Variants in LGSN observed in about 807,000 individuals in gnomAD.
The protein encoded by LGSN is lengsin.
In LGSN, 21 loss-of-function variants were observed where a neutral mutation model predicts 19.5. The ratio of observed to expected loss-of-function variants is 1.07; its 90% CI spans 0.76 to 1.55. LGSN has a LOEUF of 1.55. LGSN is among the 40% of genes most tolerant of loss of function. The pLI is 0.00. For synonymous variants in LGSN, 257 were observed against 215.6 expected (o/e 1.19, Z -1.68); for missense variants, 673 against 608.5 (o/e 1.11, Z -1.12).
At chr6:63,510,962 A>C in the LGSN span, among the ~76,000 whole-genome samples, 2 of 152,130 alleles carry the variant, frequency 1.3e-5, no homozygotes, top group Non-Finnish European at 2.9e-5. Flanking sequence ...GGCATGAGCC[A>C]CCGCTCCCGG....
rs1767156410 is a variant in LGSN, at chr6:63,278,216, A to G, written c.*1805T>C. On this transcript the variant is annotated 3_prime_UTR_variant, in exon 4 of 4. Coordinates refer to ENST00000370657, the MANE Select transcript of LGSN (RefSeq NM_016571.3). ...AATGAAGGCTCAGAAATATCATTTCATTTTTCATTGCTTTCAAAGAACATA... is the reference window on the plus strand; with the variant it reads ...AATGAAGGCTCAGAAATATCATTTCGTTTTTCATTGCTTTCAAAGAACATA... 1 of 152,236 alleles carries G rather than the reference A, an allele frequency of 6.6e-6. No homozygotes were observed. The highest frequency in any genetic ancestry group is 2.1e-4 in the South Asian group (1 of 4,818). The allele number at this position is 152,236 out of a possible 1,614,324, so 9.4% of individuals were successfully genotyped here.
chr6:63,460,100 CTTTTTTTTTTTTTTT>C, the LGSN span, among the ~76,000 whole-genome samples: 1 of 56,098 alleles, frequency 1.8e-5, no homozygotes, highest in Non-Finnish European at 3.2e-5. Flanking sequence ...ATTTCATTCC[CTTTTTTTTTTTTTTT>C]TTTTTTTTTT....
At chr6:63,494,641 T>G in the LGSN span, among the ~76,000 whole-genome samples, 1 of 152,224 alleles carries the variant, frequency 6.6e-6, no homozygotes, top group Non-Finnish European at 1.5e-5. Flanking sequence ...CTTTTTATTC[T>G]TTTAGACACA....
the LGSN span, among the ~76,000 whole-genome samples, chr6:63,412,529 G>GAAAGAAAGAAGGAAGGAAA: frequency 3.1e-5 from 1 of 32,376 alleles, no homozygotes; most frequent in Admixed American, 4.3e-4. Context: ...AAAGAAAGAA[G>GAAAGAAAGAAGGAAGGAAA]GAAAGAAAGA....
At chr6:63,557,168 C>T in the LGSN span, among the ~76,000 whole-genome samples, 5 of 152,172 alleles carry the variant, frequency 3.3e-5, no homozygotes, top group Non-Finnish European at 7.3e-5. Context: ...AAATGATTAT[C>T]ATCATGGGAT....
At chr6:63,557,924 C>A in the LGSN span, among the ~76,000 whole-genome samples, 1 of 151,250 alleles carries the variant, frequency 6.6e-6, no homozygotes, top group East Asian at 1.9e-4. Flanking sequence ...GAGTCTTGCT[C>A]TGTCACCCAG....
At chr6:63,447,067 G>C in the LGSN span, among the ~76,000 whole-genome samples, 1 of 152,196 alleles carries the variant, frequency 6.6e-6, no homozygotes, top group South Asian at 2.1e-4. Context: ...TTAAAAAAAA[G>C]TTAAGCTCAA....
the LGSN span, among the ~76,000 whole-genome samples, chr6:63,531,607 A>G: frequency 5.6e-5 from 8 of 141,932 alleles, no homozygotes; most frequent in African/African-American, 2.1e-4. Flanking sequence ...TTCCTCTCTC[A>G]TCCTCCTGAG....
chr6:63,353,981 A>G, the LGSN span, among the ~76,000 whole-genome samples: 1 of 152,190 alleles, frequency 6.6e-6, no homozygotes, highest in African/African-American at 2.4e-5. Context: ...CTCTCACTAC[A>G]TATAAAAATC....
intron 3 of LGSN, among the ~76,000 whole-genome samples, chr6:63,283,146 CTCTTT>C (rs953692218): frequency 2.0e-5 from 3 of 152,058 alleles, no homozygotes; most frequent in Non-Finnish European, 4.4e-5. Context: ...TTTTTGAACA[CTCTTT>C]TCTGGCACTG....
chr6:63,459,926 C>T, the LGSN span, among the ~76,000 whole-genome samples: 1 of 151,620 alleles, frequency 6.6e-6, no homozygotes, highest in African/African-American at 2.4e-5. Flanking sequence ...TAAAAAGAAC[C>T]TTTTCTGATC....
the LGSN span, among the ~76,000 whole-genome samples, chr6:63,484,297 G>A: frequency 6.6e-6 from 1 of 152,214 alleles, no homozygotes; most frequent in Non-Finnish European, 1.5e-5. Flanking sequence ...GAGGTCAGGA[G>A]TTGAAGACCA....
chr6:63,480,943 A>T, the LGSN span, among the ~76,000 whole-genome samples: 14 of 9,504 alleles, frequency 1.5e-3, no homozygotes, highest in South Asian at 4.1e-3. Flanking sequence ...AGAAAATGAT[A>T]TATATATATA....
chr6:63,457,113 C>A, the LGSN span, among the ~76,000 whole-genome samples: 1 of 152,224 alleles, frequency 6.6e-6, no homozygotes, highest in Non-Finnish European at 1.5e-5. Context: ...AAATGCCTAA[C>A]AAGTGGTTGC....
chr6:63,425,121 A>G, the LGSN span, among the ~76,000 whole-genome samples: 4 of 152,188 alleles, frequency 2.6e-5, no homozygotes. Context: ...TGGTGACACT[A>G]AATGCCAGCA....
rs374288689 is a variant in LGSN at position 63,278,576 on chromosome 6, C to G, written c.*1445G>C. On this transcript the variant is annotated 3_prime_UTR_variant, in exon 4 of 4. Transcript: ENST00000370657. ...GCGATCCTCCCTTCTCAGCCTCCCA[C>G]GTAGCTGGGACTACAGGCATGTGCC... 1.3e-5 allele frequency: 2 copies of G among 151,844 alleles called. No individual in the cohort carries two copies. The highest frequency in any genetic ancestry group is 4.8e-5 in the African/African-American group (2 of 41,254). 9.4% of individuals were successfully genotyped at this position (151,844 alleles called of 1,614,324 possible). A position where few individuals can be genotyped will look rare whatever the true frequency, so the allele number is the denominator to read the frequency against.
the LGSN span, among the ~76,000 whole-genome samples, chr6:63,496,123 A>G: frequency 1.3e-5 from 2 of 150,720 alleles, no homozygotes; most frequent in African/African-American, 2.4e-5. Flanking sequence ...ATGGGATTTC[A>G]CATGTTGGCC....
the LGSN span, among the ~76,000 whole-genome samples, chr6:63,378,262 G>T: frequency 6.6e-6 from 1 of 152,068 alleles, no homozygotes; most frequent in Non-Finnish European, 1.5e-5. Flanking sequence ...GATCACCACA[G>T]CAGGGGAACA....
rs754153001 is a variant in LGSN, at chr6:63,285,550, A to C, written c.330+37T>G. On this transcript the variant is annotated intron_variant, in intron 3 of 3. Coordinates refer to ENST00000370657, the MANE Select transcript of LGSN (RefSeq NM_016571.3). ...AAGAACTGTTTGCTTGCTAATGGTC[A>C]TGAAATTACATTTAGTCACAACTGT... 2.0e-6 allele frequency: 3 copies of C among 1,538,144 alleles called. No individual in the cohort carries two copies. The East Asian group carries it at 6.8e-5, about 35-fold the overall frequency.
Sources: gnomAD v4.1 joint callset for allele counts (sites outside exome capture counted in the v4.1 genomes callset) on GRCh38, gnomAD v4.1.1 for gene constraint, MANE v1.5 for transcripts, NCBI Gene and HGNC (gene_info 2026-07-23, HGNC 2026-07-21) for gene names.